EXT2: variants seen among roughly 807,000 people sequenced by gnomAD.
The protein encoded by EXT2 is exostosin-2.
In EXT2, 53 loss-of-function variants were observed where a neutral mutation model predicts 81.6. The observed-to-expected ratio is 0.65, with a 90% CI of 0.52 to 0.82. The LOEUF is 0.82. EXT2 is among the 40% of genes least tolerant of loss of function. The pLI is 0.00. For synonymous variants in EXT2, 320 were observed against 340.0 expected (o/e 0.94, Z 0.65); for missense variants, 774 against 910.2 (o/e 0.85, Z 1.93).
chr11:44,236,393 C>T lies in EXT2; in HGVS notation c.2018+18C>T. On this transcript the variant is annotated intron_variant, in intron 13 of 13. Transcript: ENST00000533608. ...GTGGAGAGGTAAGTGAGCCTCCAAC[C>T]AAAAGTGCGCCTTAGCCTCTGATCT... 1 of 1,611,154 alleles carries T rather than the reference C, an allele frequency of 6.2e-7. No homozygotes were observed. Among genetic ancestry groups the T allele is most frequent in the Non-Finnish European group, 8.5e-7 (1 of 1,178,010 alleles).
rs1956121319 is a variant in EXT2, at chr11:44,249,264, T to C, written c.*4977T>C. ...CCTCCTGCCTCAGCGTCCCAAAGTG[T>C]TGGGATTACAGGTGTGAACCACCAT... On this transcript the variant is annotated 3_prime_UTR_variant, in exon 14 of 14. Transcript: ENST00000533608. Among the ~76,000 whole-genome samples the C allele has an allele frequency of 6.6e-6, 1 of 152,138 alleles. No homozygotes were observed.
At chr11:44,163,505 C>T (rs1018741470) in intron 7 of EXT2, among the ~76,000 whole-genome samples, 4 of 152,148 alleles carry the variant, frequency 2.6e-5, no homozygotes, top group African/African-American at 7.2e-5. Flanking sequence ...TGGGAATGCT[C>T]GTTGCTACTA....
intron 9 of EXT2, among the ~76,000 whole-genome samples, chr11:44,200,316 T>A (rs1955508042): frequency 6.6e-6 from 1 of 151,658 alleles, no homozygotes; most frequent in African/African-American, 2.4e-5. Flanking sequence ...TTTTTTTTTT[T>A]CATTCTCCAA....
chr11:44,225,316 C>CTCAGATG (rs1955826547), intron 10 of EXT2, among the ~76,000 whole-genome samples: 1 of 152,212 alleles, frequency 6.6e-6, no homozygotes, highest in Non-Finnish European at 1.5e-5. Flanking sequence ...CCAGTAGGCC[C>CTCAGATG]TCAGATGTCA....
At position 44,195,425 on chromosome 11, in the gene EXT2, T is replaced by G. The variant is rs1240107995; in HGVS notation, c.1306-2404T>G. On this transcript the variant is annotated intron_variant, in intron 8 of 13. Transcript: ENST00000533608. The stretch of plus-strand genomic sequence containing the variant: ...CTCCAGCCTGGGCAACGAGTGAAAC[T>G]CTGTCTCAAAAAAAAAAAGAAAAAG... Among the ~76,000 whole-genome samples, 3 of 86,552 alleles carry G rather than the reference T, an allele frequency of 3.5e-5. No homozygotes were observed. In the South Asian group the frequency reaches 1.5e-3, roughly 44 times the overall value. The allele number at this position is 86,552 out of a possible 152,430, so 56.8% of individuals were successfully genotyped here.
At chr11:44,125,616 G>T (rs866144891) in intron 5 of EXT2, among the ~76,000 whole-genome samples, 9 of 151,986 alleles carry the variant, frequency 5.9e-5, no homozygotes, top group South Asian at 2.1e-4. Flanking sequence ...ATTGAGCTTT[G>T]TTCACTTAAA....
intron 7 of EXT2, among the ~76,000 whole-genome samples, chr11:44,165,807 C>T (rs1954986741): frequency 6.6e-6 from 1 of 152,182 alleles, no homozygotes; most frequent in African/African-American, 2.4e-5. Context: ...TAAATTTTTA[C>T]ACCTTTCAGT....
intron 10 of EXT2, among the ~76,000 whole-genome samples, chr11:44,222,974 A>G (rs559386264): frequency 9.9e-5 from 15 of 152,274 alleles, no homozygotes; most frequent in Non-Finnish European, 1.8e-4. Context: ...AAATGGGCAA[A>G]GGCCATGAAC....
chr11:44,185,603 T>G (rs537085031), intron 8 of EXT2, among the ~76,000 whole-genome samples: 22 of 152,326 alleles, frequency 1.4e-4, no homozygotes, highest in Non-Finnish European at 2.6e-4. Context: ...AATTAATATT[T>G]AAGAAATCAC....
At chr11:44,227,602 C>G (rs1357498865) in intron 10 of EXT2, among the ~76,000 whole-genome samples, 1 of 152,184 alleles carries the variant, frequency 6.6e-6, no homozygotes, top group Non-Finnish European at 1.5e-5. Context: ...TAGGCTGCCC[C>G]CTGTGGGCTT....
intron 13 of EXT2, among the ~76,000 whole-genome samples, chr11:44,242,471 TG>T (rs986563138): frequency 7.2e-5 from 11 of 152,168 alleles, no homozygotes; most frequent in African/African-American, 2.7e-4. Flanking sequence ...TGGCATGTAA[TG>T]GTAGAGTGTG....
At chr11:44,192,569 G>A (rs911530026) in intron 8 of EXT2, among the ~76,000 whole-genome samples, 3 of 152,064 alleles carry the variant, frequency 2.0e-5, no homozygotes, top group African/African-American at 7.2e-5. Flanking sequence ...AATACAAATC[G>A]AGAAGAGTGG....
intron 8 of EXT2, among the ~76,000 whole-genome samples, chr11:44,190,700 T>C (rs1955380347): frequency 6.6e-6 from 1 of 152,224 alleles, no homozygotes; most frequent in South Asian, 2.1e-4. Flanking sequence ...AGTCTTTTAG[T>C]TGGTAATGAA....
At chr11:44,234,272 G>C (rs532266523) in intron 12 of EXT2, 29 bp downstream of exon 12, 10 of 1,607,284 alleles carry the variant, frequency 6.2e-6, no homozygotes, top group Non-Finnish European at 8.5e-6. Flanking sequence ...CACTTGCTTT[G>C]TGATCTTGGG....
chr11:44,143,390 T>A (rs1954672012), intron 7 of EXT2, among the ~76,000 whole-genome samples: 1 of 152,246 alleles, frequency 6.6e-6, no homozygotes, highest in African/African-American at 2.4e-5. Context: ...ATATCACTCC[T>A]ACTCCTCCCA....
chr11:44,218,577 T>C (rs1020848306), intron 10 of EXT2, among the ~76,000 whole-genome samples: 1 of 152,064 alleles, frequency 6.6e-6, no homozygotes, highest in Admixed American at 6.6e-5. Flanking sequence ...GGAAAATCTA[T>C]AGACTTAGTG....
intron 10 of EXT2, among the ~76,000 whole-genome samples, chr11:44,227,313 G>C (rs964281174): frequency 3.3e-5 from 5 of 152,224 alleles, no homozygotes; most frequent in African/African-American, 1.2e-4. Flanking sequence ...AACAAAGTTA[G>C]ATAATGCAGC....
chr11:44,115,507 C>G (rs1954210271), intron 4 of EXT2, among the ~76,000 whole-genome samples: 1 of 152,086 alleles, frequency 6.6e-6, no homozygotes, highest in Non-Finnish European at 1.5e-5. Flanking sequence ...GTGCTATTTC[C>G]TGGTGAGAAT....
intron 7 of EXT2, among the ~76,000 whole-genome samples, chr11:44,170,375 A>C (rs1178900092): frequency 6.6e-6 from 1 of 152,194 alleles, no homozygotes; most frequent in Non-Finnish European, 1.5e-5. Flanking sequence ...AAATAAAGAA[A>C]GGTTGAAATC....
Sources: allele counts gnomAD v4.1 joint callset (sites outside exome capture counted in the v4.1 genomes callset), GRCh38; gene constraint gnomAD v4.1.1; transcripts MANE v1.5; gene names NCBI Gene and HGNC (gene_info 2026-07-23, HGNC 2026-07-21).